Variants in EPHA3 observed in about 807,000 individuals in gnomAD.
EPHA3 encodes the protein EPH receptor A3.
A neutral mutation model predicts 107.1 loss-of-function variants in EPHA3; 42 were observed. The observed-to-expected ratio is 0.39, with a 90% confidence interval of 0.31 to 0.51. The LOEUF (loss-of-function observed/expected upper bound fraction) is 0.51, where lower values mean the gene tolerates loss of function less well. Among genes scored for constraint, EPHA3 ranks in the 20% least tolerant of loss-of-function variants. EPHA3 has a pLI of 0.78. For missense variants in EPHA3, 1,183 were observed against 1,211.2 expected (o/e 0.98, Z 0.35); for synonymous variants, 461 against 424.8 (o/e 1.09, Z -1.05).
intron 1 of EPHA3, among the ~76,000 whole-genome samples, chr3:89,113,030 G>T (rs1443371865): frequency 1.3e-5 from 2 of 152,128 alleles, no homozygotes; most frequent in African/African-American, 2.4e-5. Context: ...TGTTTTCAGA[G>T]ATCTGGATTT....
At chr3:89,441,348 T>G (rs1044552671) in intron 13 of EPHA3, among the ~76,000 whole-genome samples, 32 of 152,258 alleles carry the variant, frequency 2.1e-4, no homozygotes, top group African/African-American at 7.7e-4. Flanking sequence ...GAAATTGAGG[T>G]TTTAGATACA....
At chr3:89,173,600 TA>T (rs1705255444) in intron 2 of EPHA3, among the ~76,000 whole-genome samples, 1 of 152,116 alleles carries the variant, frequency 6.6e-6, no homozygotes. Flanking sequence ...TCAATAATTC[TA>T]AAAGTAGATT....
intron 13 of EPHA3, among the ~76,000 whole-genome samples, chr3:89,442,828 A>G (rs1182754184): frequency 6.6e-6 from 1 of 152,222 alleles, no homozygotes; most frequent in Non-Finnish European, 1.5e-5. Flanking sequence ...ACTTCAAGCT[A>G]TCACAAACAT....
rs1290150511 is a variant in EPHA3, at chr3:89,274,645, A to T, written c.814+64125A>T. Among the ~76,000 whole-genome samples the T allele has an allele frequency of 2.6e-5, 4 of 152,202 alleles. No homozygotes were observed. In the East Asian group the frequency reaches 7.7e-4, roughly 29 times the overall value. On this transcript the variant is annotated intron_variant, in intron 3 of 16. Transcript: ENST00000336596. ...ATTAAAATGACTTATCTAGAAGTGA[A>T]AATCAACACTCTTGATAGAGCCATC...
At chr3:89,204,404 G>T (rs1706048965) in intron 2 of EPHA3, among the ~76,000 whole-genome samples, 2 of 151,836 alleles carry the variant, frequency 1.3e-5, no homozygotes, top group South Asian at 4.2e-4. Context: ...TAATCATAGG[G>T]ATTTTCCAAC....
chr3:89,185,120 C>A (rs1705533267), intron 2 of EPHA3, among the ~76,000 whole-genome samples: 1 of 151,966 alleles, frequency 6.6e-6, no homozygotes, highest in Admixed American at 6.6e-5. Flanking sequence ...GGTAAAGAAC[C>A]TAAACCTAGA....
intron 7 of EPHA3, among the ~76,000 whole-genome samples, chr3:89,406,358 G>T (rs1709054151): frequency 6.6e-6 from 1 of 152,066 alleles, no homozygotes; most frequent in Admixed American, 6.6e-5. Flanking sequence ...AGTGGTTTTT[G>T]TGAACATTAA....
At chr3:89,230,332 A>T (rs551882612) in intron 3 of EPHA3, among the ~76,000 whole-genome samples, 7 of 152,226 alleles carry the variant, frequency 4.6e-5, no homozygotes, top group African/African-American at 1.7e-4. Context: ...AAACCACAGA[A>T]AATTTCACGT....
rs545934908 is a variant in EPHA3 at position 89,173,459 on chromosome 3, C to T, written c.154-36401C>T. On this transcript the variant is annotated intron_variant, in intron 2 of 16. Coordinates refer to ENST00000336596, the MANE Select transcript of EPHA3 (RefSeq NM_005233.6). ...GTGAGTAAACTCAGTTTCATTTTAT[C>T]GTTTTAGATACTGTTATTTTTCCAA... Among the ~76,000 whole-genome samples, 678 of 151,940 alleles carry T rather than the reference C, an allele frequency of 4.5e-3. 4 individuals are homozygous for T. The highest frequency in any genetic ancestry group is 0.016 in the African/African-American group (644 of 41,482).
chr3:89,113,738 T>TGGGG (rs140518086), intron 1 of EPHA3, among the ~76,000 whole-genome samples: 85 of 141,560 alleles, frequency 6.0e-4, no homozygotes, highest in African/African-American at 2.1e-3. Flanking sequence ...GGGGTTGAGG[T>TGGGG]GGGGGGGGGC....
At chr3:89,158,660 T>A (rs1190085375) in intron 2 of EPHA3, among the ~76,000 whole-genome samples, 1 of 152,062 alleles carries the variant, frequency 6.6e-6, no homozygotes, top group Non-Finnish European at 1.5e-5. Flanking sequence ...AGAGACAAGA[T>A]TTGCTTTTGT....
Position 89,348,567 on chromosome 3 carries a change from C to T in EPHA3, c.1306+6477C>T, listed in dbSNP as rs992159883. ...TTTGTTGATCCTCTCAAAAAACCAG[C>T]TCCTGGATTCATTGATTTTTTGAAT... On this transcript the variant is annotated intron_variant, in intron 5 of 16. Coordinates refer to ENST00000336596, the MANE Select transcript of EPHA3 (RefSeq NM_005233.6). Among the ~76,000 whole-genome samples, 7 of 142,124 alleles carry T rather than the reference C, an allele frequency of 4.9e-5. 1 individual carries two copies. Among genetic ancestry groups the T allele is most frequent in the Non-Finnish European group, 9.1e-5 (6 of 66,134 alleles). The allele number at this position is 142,124 out of a possible 152,430, so 93.2% of individuals were successfully genotyped here.
chr3:89,435,482 A>ATATATAATATATATACACTTT (rs1365952293), intron 13 of EPHA3, among the ~76,000 whole-genome samples: 12 of 145,442 alleles, frequency 8.3e-5, no homozygotes, highest in African/African-American at 3.0e-4. Flanking sequence ...TATATAAATA[A>ATATATAATATATATACACTTT]TATATAATAT....
At position 89,468,289 on chromosome 3, in the gene EPHA3, T is replaced by A. The variant is rs553609968; in HGVS notation, c.2691-4175T>A. 7.2e-5 allele frequency among the ~76,000 whole-genome samples: 11 copies of A among 152,072 alleles called. No homozygotes were observed. The East Asian group carries it at 2.1e-3, about 29-fold the overall frequency. Reference sequence around the variant, plus strand: ...TGTCTTGGATGCACTTTGATCCAAGTCATAAACAGACAAACTCAGTTGGGG... The same window carrying A: ...TGTCTTGGATGCACTTTGATCCAAGACATAAACAGACAAACTCAGTTGGGG... On this transcript the variant is annotated intron_variant, in intron 15 of 16. Transcript: ENST00000336596.
intron 3 of EPHA3, among the ~76,000 whole-genome samples, chr3:89,240,371 T>C (rs1285772964): frequency 6.6e-6 from 1 of 152,130 alleles, no homozygotes; most frequent in Non-Finnish European, 1.5e-5. Context: ...ACTTGACTGG[T>C]ATTTTGCTAT....
intron 15 of EPHA3, among the ~76,000 whole-genome samples, chr3:89,458,811 A>T (rs1217258689): frequency 1.3e-5 from 2 of 152,208 alleles, no homozygotes; most frequent in Non-Finnish European, 2.9e-5. Flanking sequence ...TGAATAAAGA[A>T]AACGTAGCAC....
intron 2 of EPHA3, 140 bp downstream of exon 2, chr3:89,127,413 G>A: frequency 1.8e-6 from 1 of 569,888 alleles, no homozygotes; most frequent in Non-Finnish European, 3.0e-6. Flanking sequence ...AATATATGGA[G>A]TACCACAGCT....
intron 2 of EPHA3, among the ~76,000 whole-genome samples, chr3:89,170,257 G>GA (rs11450957): frequency 0.29 from 33,363 of 113,912 alleles, 3,929 homozygotes; most frequent in Middle Eastern, 0.4. Context: ...CTCCGTATCA[G>GA]AAAAAAAAAA....
intron 8 of EPHA3, 34 bp downstream of exon 8, chr3:89,407,405 T>A (rs3792572): frequency 0.4 from 620,993 of 1,543,380 alleles, 129,986 homozygotes; most frequent in African/African-American, 0.63. Context: ...ATTCACTTTC[T>A]TTGTTGCTTT....
Sources: gnomAD v4.1 joint callset for allele counts (sites outside exome capture counted in the v4.1 genomes callset) on GRCh38, gnomAD v4.1.1 for gene constraint, MANE v1.5 for transcripts, NCBI Gene and HGNC (gene_info 2026-07-23, HGNC 2026-07-21) for gene names.